Variants in CNST observed in about 807,000 individuals in gnomAD.
CNST encodes consortin, connexin sorting protein, also known as consortin.
A neutral mutation model predicts 72.4 loss-of-function variants in CNST; 39 were observed. The observed-to-expected ratio is 0.54, with a 90% CI of 0.42 to 0.70. CNST has a LOEUF of 0.70. CNST is among the 30% of genes least tolerant of loss of function. CNST has a pLI of 0.00. For synonymous variants in CNST, 332 were observed against 320.1 expected, an observed-to-expected ratio of 1.04 and a Z score of -0.40; for missense variants, 871 against 868.5, an observed-to-expected ratio of 1.00 and a Z score of -0.04.
intron 2 of CNST, among the ~76,000 whole-genome samples, chr1:246,616,716 G>A (rs549914718): frequency 2.2e-4 from 34 of 152,092 alleles, no homozygotes; most frequent in African/African-American, 7.2e-4. Flanking sequence ...CACCACGCCC[G>A]GCTAATTTTT....
rs1434128416 is a variant in CNST, at chr1:246,668,147, A to G, written c.*2242A>G. ...GTTTTTAAAAATGTCATAGTTATCT[A>G]TTGCATGAACTGGAGTAATTCCACC... On this transcript the variant is annotated 3_prime_UTR_variant, in exon 11 of 11. Transcript: ENST00000366513. 1.3e-5 allele frequency: 2 copies of G among 152,232 alleles called. No homozygotes were observed. Among genetic ancestry groups the G allele is most frequent in the Non-Finnish European group, 2.9e-5 (2 of 68,034 alleles). 9.4% of individuals were successfully genotyped at this position (152,232 alleles called of 1,614,324 possible). A position where few individuals can be genotyped will look rare whatever the true frequency, so the allele number is the denominator to read the frequency against.
At chr1:246,616,718 C>A (rs558340974) in intron 2 of CNST, among the ~76,000 whole-genome samples, 1 of 152,040 alleles carries the variant, frequency 6.6e-6, no homozygotes, top group Non-Finnish European at 1.5e-5. Context: ...CCACGCCCGG[C>A]TAATTTTTGT....
chr1:246,642,132 GGTT>G (rs373560672), intron 8 of CNST, 95 bp downstream of exon 8: 2,710 of 197,562 alleles, frequency 0.014, 18 homozygotes, highest in East Asian at 0.057. Flanking sequence ...CAAAGGATCT[GGTT>G]TTTTTTTTTT....
chr1:246,650,122 G>T (rs974506193), intron 9 of CNST, among the ~76,000 whole-genome samples: 2 of 151,946 alleles, frequency 1.3e-5, no homozygotes, highest in African/African-American at 4.8e-5. Flanking sequence ...TTATATTGGG[G>T]AAAAAATATT....
At chr1:246,595,559 C>T (rs749804504) in intron 2 of CNST, among the ~76,000 whole-genome samples, 11 of 152,216 alleles carry the variant, frequency 7.2e-5, no homozygotes, top group Admixed American at 2.6e-4. Flanking sequence ...TCTAATTTTT[C>T]GGTTAAATTC....
intron 1 of CNST, among the ~76,000 whole-genome samples, chr1:246,587,632 G>C (rs887626445): frequency 6.6e-6 from 1 of 152,146 alleles, no homozygotes; most frequent in Admixed American, 6.6e-5. Context: ...GTTTATTTAA[G>C]TAAAACTTGT....
chr1:246,614,686 G>A (rs1558559412), intron 2 of CNST, among the ~76,000 whole-genome samples: 1 of 152,050 alleles, frequency 6.6e-6, no homozygotes, highest in African/African-American at 2.4e-5. Flanking sequence ...TGGTCACACT[G>A]GTCTTGAACT....
intron 4 of CNST, among the ~76,000 whole-genome samples, chr1:246,633,066 C>A (rs1475310822): frequency 6.6e-6 from 1 of 152,200 alleles, no homozygotes; most frequent in Non-Finnish European, 1.5e-5. Flanking sequence ...AGCATTAAAA[C>A]CTTCTTTTAG....
chr1:246,640,458 C>CTAA (rs779852019), intron 6 of CNST, among the ~76,000 whole-genome samples: 3 of 151,908 alleles, frequency 2.0e-5, no homozygotes, highest in Non-Finnish European at 2.9e-5. Context: ...ATTTTTTAAA[C>CTAA]TAATAATAAT....
At chr1:246,604,100 C>T (rs1029058357) in intron 2 of CNST, among the ~76,000 whole-genome samples, 4 of 152,048 alleles carry the variant, frequency 2.6e-5, no homozygotes, top group African/African-American at 9.7e-5. Context: ...GGGGTGGTGG[C>T]GCGTGCCTGT....
intron 3 of CNST, among the ~76,000 whole-genome samples, chr1:246,622,019 A>C (rs1425896085): frequency 6.6e-6 from 1 of 152,146 alleles, no homozygotes; most frequent in Non-Finnish European, 1.5e-5. Context: ...TAAATATAAA[A>C]ATAAAAAATA....
chr1:246,607,664 C>G (rs1035565648), intron 2 of CNST: 4 of 74,992 alleles, frequency 5.3e-5, no homozygotes, highest in South Asian at 5.4e-4. Context: ...GCCTCTCTCT[C>G]GATCCTCAGG....
At chr1:246,617,693 A>C (rs1009998713) in intron 2 of CNST, among the ~76,000 whole-genome samples, 1 of 152,216 alleles carries the variant, frequency 6.6e-6, no homozygotes, top group Non-Finnish European at 1.5e-5. Flanking sequence ...TCATTCTTCC[A>C]ACTCTTTGGC....
intron 9 of CNST, among the ~76,000 whole-genome samples, chr1:246,650,408 T>G (rs1666383709): frequency 1.3e-5 from 2 of 152,264 alleles, no homozygotes; most frequent in Non-Finnish European, 1.5e-5. Context: ...CCAAGCAGAT[T>G]GTTAAACATT....
In CNST at chr1:246,626,374, G is replaced by A. The variant is rs370619627; in HGVS notation, c.585+4740G>A. 4.0e-5 allele frequency among the ~76,000 whole-genome samples: 6 copies of A among 150,728 alleles called. No homozygotes were observed. In the East Asian group the frequency reaches 7.8e-4, roughly 20 times the overall value. On this transcript the variant is annotated intron_variant, in intron 3 of 10. Transcript: ENST00000366513. ...CCCTAATTTTTAAACACTGGGATGC[G>A]TCAGAGTTCAGTTCTTGAATCTCTT...
At chr1:246,634,318 A>C in intron 5 of CNST, 155 bp from the exon 6 acceptor site, 2 of 569,278 alleles carry the variant, frequency 3.5e-6, no homozygotes, top group East Asian at 5.8e-5. Context: ...TTATATTGAA[A>C]AGTAATAAGT....
chr1:246,595,073 A>G (rs1461049589), intron 2 of CNST, among the ~76,000 whole-genome samples: 1 of 152,192 alleles, frequency 6.6e-6, no homozygotes, highest in African/African-American at 2.4e-5. Flanking sequence ...AATTAAAAGA[A>G]AGGATACTCC....
intron 1 of CNST, among the ~76,000 whole-genome samples, chr1:246,589,684 T>C (rs1002839103): frequency 2.0e-5 from 3 of 152,200 alleles, no homozygotes; most frequent in Admixed American, 6.5e-5. Flanking sequence ...CCTGAGGAAT[T>C]GCCATACTGT....
chr1:246,621,649 C>A lies in CNST; in HGVS notation c.585+15C>A. ...GCCTTCATCAGGTACTCTGGTAAAC[C>A]CTTCACTTTCAGCCTCACGAAAATT... On this transcript the variant is annotated intron_variant, in intron 3 of 10. Transcript: ENST00000366513. 2 of 1,602,112 alleles carry A rather than the reference C, an allele frequency of 1.2e-6. No homozygotes were observed. The highest frequency in any genetic ancestry group is 1.7e-6 in the Non-Finnish European group (2 of 1,169,180).
Sources: gnomAD v4.1 joint callset for allele counts (sites outside exome capture counted in the v4.1 genomes callset) on GRCh38, gnomAD v4.1.1 for gene constraint, MANE v1.5 for transcripts, NCBI Gene and HGNC (gene_info 2026-07-23, HGNC 2026-07-21) for gene names.